Variants in SP7 observed in about 807,000 individuals in gnomAD.
The protein encoded by SP7 is Sp7 transcription factor, also known as transcription factor Sp7.
Under a neutral mutation model 27.9 loss-of-function variants are expected in SP7, and 13 were observed. The observed-to-expected ratio is 0.47, with a 90% CI of 0.30 to 0.74. SP7 has a LOEUF of 0.74. Among genes scored for constraint, SP7 ranks in the 30% least tolerant of loss-of-function variants. The pLI, the probability that SP7 is intolerant of heterozygous loss-of-function variation, is 0.06. For synonymous variants in SP7, 219 were observed against 226.7 expected, an observed-to-expected ratio of 0.97 and a Z score of 0.31; for missense variants, 525 against 558.0, an observed-to-expected ratio of 0.94 and a Z score of 0.60.
chr12:53,337,197 T>A (rs1282420758), upstream of SP7, among the ~76,000 whole-genome samples: 3 of 152,224 alleles, frequency 2.0e-5, no homozygotes. Context: ...ATCTCCATCC[T>A]TTGGTGGACA....
chr12:53,336,975 G>T (rs11170506), upstream of SP7, among the ~76,000 whole-genome samples: 29,304 of 152,042 alleles, frequency 0.19, 3,797 homozygotes, highest in Non-Finnish European at 0.29. Flanking sequence ...ACCTCACTTT[G>T]TGGGGCAGAA....
In SP7 at chr12:53,326,752, C is replaced by G. The variant is rs769782519; in HGVS notation, c.*1394G>C. 6.6e-6 allele frequency: 1 copy of G among 152,534 alleles called. No homozygotes were observed. The highest frequency in any genetic ancestry group is 1.5e-5 in the Non-Finnish European group (1 of 68,034). 9.4% of individuals were successfully genotyped at this position (152,534 alleles called of 1,614,324 possible). ...CCAACGTTACAGGAAAGGCACGAAG[C>G]GGCTTTAAAAGTCACTGGAGGTGGA... On this transcript the variant is annotated 3_prime_UTR_variant, in exon 3 of 3. Transcript: ENST00000536324.
In SP7 at chr12:53,328,302, G is replaced by A; in HGVS notation, c.1140C>T (p.Gly380=). ...SKHQRTHGEP[G]PGPPPSGPKE... is the part of the protein sequence containing the mutation. ...TGGGGCCACTGGGAGGGGGACCCGGGCCTGGTTCTCCATGGGTGCGCTGGT... is the reference window on the plus strand; with the variant it reads ...TGGGGCCACTGGGAGGGGGACCCGGACCTGGTTCTCCATGGGTGCGCTGGT... The change falls in exon 3 of 3, where the codon GGC becomes GGT. Residue 380 remains glycine (G), a synonymous_variant. Transcript: ENST00000536324. The surrounding 1 kb of genome is among the most constrained non-coding windows in gnomAD (Gnocchi z 5.1). 6.2e-7 allele frequency: 1 copy of A among 1,611,064 alleles called. No individual in the cohort carries two copies. The highest frequency in any genetic ancestry group is 1.1e-5 in the South Asian group (1 of 90,678).
At chr12:53,342,137 CCTG>C (rs1158965626) in intron 1 of SP7, among the ~76,000 whole-genome samples, 25 of 152,006 alleles carry the variant, frequency 1.6e-4, no homozygotes, top group African/African-American at 6.0e-4. Context: ...GTGGCGCGTG[CCTG>C]TAATCCCAGC....
rs139562187 is a variant in SP7 at position 53,341,751 on chromosome 12, G to A, written c.-34+3363C>T. On this transcript the variant is annotated intron_variant, in intron 1 of 1. Coordinates refer to the SP7 transcript ENST00000547755. ...CTGAGGTCAGAAGTTTGAGACTAGC[G>A]TGGCCAACATGGCAAAACCCTGTCT... Among the ~76,000 whole-genome samples, 11 of 152,192 alleles carry A rather than the reference G, an allele frequency of 7.2e-5. No individual in the cohort carries two copies. The South Asian group carries it at 1.0e-3, about 14-fold the overall frequency.
At chr12:53,340,332 A>C (rs1249447959), upstream of SP7, among the ~76,000 whole-genome samples, 6 of 152,096 alleles carry the variant, frequency 3.9e-5, no homozygotes, top group Admixed American at 2.0e-4. Context: ...CCTAAAGGGC[A>C]TTTGGGAACC....
Position 53,329,194 on chromosome 12 carries a change from G to A in SP7, c.248C>T (p.Ala83Val). ...GLLSPAGSPPAPTSGYANDYP... is the reference protein window; with the variant it reads ...GLLSPAGSPPVPTSGYANDYP... ...ATCATTAGCATAGCCTGAGGTGGGTGCTGGAGGACTGCCTGCAGGTGAAAG... is the reference window on the plus strand; with the variant it reads ...ATCATTAGCATAGCCTGAGGTGGGTACTGGAGGACTGCCTGCAGGTGAAAG... The change falls in exon 3 of 3, where the codon GCA (alanine) becomes GTA (valine). Residue 83 changes from alanine (A) to valine (V), a missense_variant. By Grantham distance (64) the Ala-to-Val change is moderately conservative. Transcript: ENST00000536324. 6.2e-7 allele frequency: 1 copy of A among 1,613,896 alleles called. No homozygotes were observed. Among genetic ancestry groups the A allele is most frequent in the Non-Finnish European group, 8.5e-7 (1 of 1,179,886 alleles).
intron 2 of SP7, among the ~76,000 whole-genome samples, chr12:53,332,497 G>A (rs1383434783): frequency 1.3e-5 from 2 of 152,092 alleles, no homozygotes; most frequent in African/African-American, 4.8e-5. Context: ...AAGCTCACTT[G>A]AGCTAAGTAG....
chr12:53,341,015 A>G (rs1944817733), upstream of SP7, among the ~76,000 whole-genome samples: 1 of 152,176 alleles, frequency 6.6e-6, no homozygotes, highest in African/African-American at 2.4e-5. Flanking sequence ...GGGGAAGAGG[A>G]TCCAATTTTA....
At chr12:53,332,231 T>C (rs753664027) in intron 2 of SP7, among the ~76,000 whole-genome samples, 22 of 151,952 alleles carry the variant, frequency 1.4e-4, no homozygotes, top group Admixed American at 9.2e-4. Flanking sequence ...AGGACCTGCA[T>C]AGGGTAAGGG....
Position 53,344,400 on chromosome 12 carries a change from A to G in SP7, c.-34+714T>C, listed in dbSNP as rs1944845802. Reference sequence around the variant, plus strand: ...TTTTCACCCATTTCTCCCTCTCCCCACCTTCCATCACCTCCCCTACATAGG... The same window carrying G: ...TTTTCACCCATTTCTCCCTCTCCCCGCCTTCCATCACCTCCCCTACATAGG... On this transcript the variant is annotated intron_variant, in intron 1 of 1. Coordinates refer to the SP7 transcript ENST00000547755. This position sits in a 1 kb window ranked among gnomAD's most constrained non-coding sequence, Gnocchi z 4.6. Among the ~76,000 whole-genome samples, 1 of 148,514 alleles carries G rather than the reference A, an allele frequency of 6.7e-6. No homozygotes were observed. Among genetic ancestry groups the G allele is most frequent in the African/African-American group, 2.5e-5 (1 of 39,736 alleles).
In SP7 at chr12:53,328,654, C is replaced by A; in HGVS notation, c.788G>T (p.Ser263Ile). 6.2e-7 allele frequency: 1 copy of A among 1,610,228 alleles called. No individual in the cohort carries two copies. Among genetic ancestry groups the A allele is most frequent in the Non-Finnish European group, 8.5e-7 (1 of 1,177,174 alleles). ...GTCGCAGGAGGAGCGCCCTGCCCCA[C>A]TGCCCCCATATCCACCACTACCCCC... Reference protein sequence around the residue: ...STGGSGGYGGSGAGRSSCDCP... With the variant: ...STGGSGGYGGIGAGRSSCDCP... The change falls in exon 3 of 3, where the codon AGT becomes ATT. Residue 263 changes from serine (S) to isoleucine (I), a missense_variant. Ser to Ile is a moderately radical substitution (Grantham distance 142). Coordinates refer to ENST00000536324, the MANE Select transcript of SP7 (RefSeq NM_001173467.3). This position sits in a 1 kb window ranked among gnomAD's most constrained non-coding sequence, Gnocchi z 5.1.
chr12:53,330,150 G>A (rs1162390783), intron 2 of SP7, among the ~76,000 whole-genome samples: 2 of 152,168 alleles, frequency 1.3e-5, no homozygotes, highest in African/African-American at 2.4e-5. Context: ...CCAGGTTCAA[G>A]CAATTCTCCT....
rs1469899168 is a variant in SP7, at chr12:53,343,134, A to C, written c.-34+1980T>G. On this transcript the variant is annotated intron_variant, in intron 1 of 1. Coordinates refer to the SP7 transcript ENST00000547755. ...AACATGACGAAACCCCATCTCTACA[A>C]AAAATACAAAAAAAAAAAAACATAG... Among the ~76,000 whole-genome samples the C allele has an allele frequency of 2.6e-5, 4 of 152,064 alleles. No individual in the cohort carries two copies. In the East Asian group the frequency reaches 7.7e-4, roughly 29 times the overall value.
chr12:53,336,007 T>G, intron 1 of SP7, 139 bp downstream of exon 1: 2 of 280,338 alleles, frequency 7.1e-6, no homozygotes, highest in Non-Finnish European at 1.3e-5. Flanking sequence ...GAGAGCAGCA[T>G]GGGCAAGTTG....
chr12:53,334,331 TACACAC>T (rs57611228), intron 2 of SP7, among the ~76,000 whole-genome samples: 21,188 of 139,452 alleles, frequency 0.15, 1,682 homozygotes, highest in Middle Eastern at 0.22. Context: ...TGGCCCAACT[TACACAC>T]ACACACACAC....
chr12:53,340,891 G>A (rs10876434), upstream of SP7, among the ~76,000 whole-genome samples: 2 of 152,096 alleles, frequency 1.3e-5, no homozygotes, highest in African/African-American at 4.8e-5. Context: ...CAATGGGGCT[G>A]ATGACCAGGA....
chr12:53,329,672 A>G (rs1057283265), intron 2 of SP7, among the ~76,000 whole-genome samples: 1 of 152,154 alleles, frequency 6.6e-6, no homozygotes, highest in African/African-American at 2.4e-5. Context: ...AGAAGGCAGG[A>G]AGCAGAGCTC....
At chr12:53,342,044 C>T (rs1433172865) in intron 1 of SP7, among the ~76,000 whole-genome samples, 5 of 140,996 alleles carry the variant, frequency 3.5e-5, no homozygotes, top group African/African-American at 7.9e-5. Context: ...GGCGACAGAG[C>T]GAGACTCCGT....
Sources: allele counts gnomAD v4.1 joint callset (sites outside exome capture counted in the v4.1 genomes callset), GRCh38; gene constraint gnomAD v4.1.1; non-coding constraint Gnocchi (gnomAD v3.1); transcripts MANE v1.5; gene names NCBI Gene and HGNC (gene_info 2026-07-23, HGNC 2026-07-21).